Variants in TRMT1L observed in about 807,000 individuals in gnomAD.
TRMT1L encodes the protein tRNA methyltransferase 1L, also known as tRNA (guanine(27)-N(2))-dimethyltransferase.
A neutral mutation model predicts 81.6 loss-of-function variants in TRMT1L; 28 were observed. That is an observed-to-expected ratio of 0.34 (90% CI 0.25 to 0.47). TRMT1L has a LOEUF of 0.47. TRMT1L is among the 20% of genes least tolerant of loss of function. The pLI is 1.00. For synonymous variants in TRMT1L, 301 were observed against 303.2 expected (o/e 0.99, Z 0.07); for missense variants, 739 against 877.1 (o/e 0.84, Z 1.99).
In TRMT1L at chr1:185,119,620, T is replaced by C. The variant is rs1652446962; in HGVS notation, c.*399A>G. 6.3e-6 allele frequency: 1 copy of C among 158,104 alleles called. No homozygotes were observed. The highest frequency in any genetic ancestry group is 1.4e-5 in the Non-Finnish European group (1 of 71,792). 9.8% of individuals were successfully genotyped at this position (158,104 alleles called of 1,614,324 possible). A position where few individuals can be genotyped will look rare whatever the true frequency, so the allele number is the denominator to read the frequency against. ...TAACATGTGAGCCTTCAGCTTCATT[T>C]TGTACACTACAAACAGGAAAACATA... On this transcript the variant is annotated 3_prime_UTR_variant, in exon 15 of 15. Transcript: ENST00000367506.
In TRMT1L at chr1:185,156,886, G is replaced by T; in HGVS notation, c.-174C>A. The T allele has an allele frequency of 1.1e-6, 1 of 886,692 alleles. No homozygotes were observed. The highest frequency in any genetic ancestry group is 1.6e-6 in the Non-Finnish European group (1 of 614,870). The allele number at this position is 886,692 out of a possible 1,614,324, so 54.9% of individuals were successfully genotyped here. On this transcript the variant is annotated 5_prime_UTR_variant, in exon 1 of 15. Coordinates refer to ENST00000367506, the MANE Select transcript of TRMT1L (RefSeq NM_030934.5). Reference sequence around the variant, plus strand: ...AAGAACCAGTGACCAAATCCTGTTAGTAGAAAACAGAAAGCCAGAGGCAGC... The same window carrying T: ...AAGAACCAGTGACCAAATCCTGTTATTAGAAAACAGAAAGCCAGAGGCAGC...
intron 7 of TRMT1L, among the ~76,000 whole-genome samples, chr1:185,142,062 T>C (rs559681532): frequency 1.5e-4 from 23 of 152,212 alleles, no homozygotes; most frequent in African/African-American, 4.8e-4. Flanking sequence ...TGAGTAGATA[T>C]GGGAAGAGTA....
chr1:185,156,891 A>C lies in TRMT1L; in HGVS notation c.-179T>G. 1 of 860,056 alleles carries C rather than the reference A, an allele frequency of 1.2e-6. No homozygotes were observed. The highest frequency in any genetic ancestry group is 1.7e-6 in the Non-Finnish European group (1 of 592,174). The allele number at this position is 860,056 out of a possible 1,614,324, so 53.3% of individuals were successfully genotyped here. A position where few individuals can be genotyped will look rare whatever the true frequency, so the allele number is the denominator to read the frequency against. ...CCAGTGACCAAATCCTGTTAGTAGA[A>C]AACAGAAAGCCAGAGGCAGCGATTC... is the stretch of plus-strand genomic sequence containing the variant. On this transcript the variant is annotated 5_prime_UTR_variant, in exon 1 of 15. Transcript: ENST00000367506.
chr1:185,148,928 G>A (rs941886548), intron 3 of TRMT1L, among the ~76,000 whole-genome samples: 23 of 152,136 alleles, frequency 1.5e-4, no homozygotes, highest in African/African-American at 4.1e-4. Flanking sequence ...GCTTTATCAA[G>A]GCTGGTTGAC....
At chr1:185,120,329 C>A (rs1172324110) in intron 14 of TRMT1L, 54 bp downstream of exon 14, 3 of 1,464,424 alleles carry the variant, frequency 2.0e-6, no homozygotes, top group Admixed American at 2.4e-5. Flanking sequence ...ATTTAAATCA[C>A]AATATTATTA....
At chr1:185,154,619 A>C (rs887365977) in intron 1 of TRMT1L, among the ~76,000 whole-genome samples, 2 of 152,230 alleles carry the variant, frequency 1.3e-5, no homozygotes, top group Admixed American at 1.3e-4. Context: ...CAATCAATAA[A>C]GACGTGCCTA....
At chr1:185,131,765 A>C (rs916703068) in intron 10 of TRMT1L, among the ~76,000 whole-genome samples, 2 of 152,204 alleles carry the variant, frequency 1.3e-5, no homozygotes, top group African/African-American at 4.8e-5. Flanking sequence ...GGATTAATCT[A>C]GAAGACCCAA....
intron 5 of TRMT1L, 150 bp from the exon 6 acceptor site, chr1:185,144,179 C>T (rs1049487501): frequency 3.9e-5 from 35 of 902,124 alleles, no homozygotes; most frequent in South Asian, 1.3e-4. Flanking sequence ...TTAATGCAAA[C>T]GGTTTGGCAG....
chr1:185,142,603 A>C (rs1653078276), intron 7 of TRMT1L, among the ~76,000 whole-genome samples: 1 of 151,958 alleles, frequency 6.6e-6, no homozygotes, highest in Non-Finnish European at 1.5e-5. Context: ...AAAAAGAGAC[A>C]CAACCAGACA....
intron 10 of TRMT1L, among the ~76,000 whole-genome samples, chr1:185,133,984 G>A (rs1652835979): frequency 6.6e-6 from 1 of 152,068 alleles, no homozygotes; most frequent in South Asian, 2.1e-4. Flanking sequence ...ACGTGGAAGG[G>A]GGAAAGCATG....
intron 13 of TRMT1L, among the ~76,000 whole-genome samples, chr1:185,122,933 AC>A (rs1285854975): frequency 6.6e-6 from 1 of 152,010 alleles, no homozygotes; most frequent in Non-Finnish European, 1.5e-5. Flanking sequence ...GATCTACCCA[AC>A]TTGGCCTCCC....
At chr1:185,133,288 A>G (rs1240349717) in intron 10 of TRMT1L, among the ~76,000 whole-genome samples, 1 of 151,650 alleles carries the variant, frequency 6.6e-6, no homozygotes, top group African/African-American at 2.4e-5. Context: ...CTGGTCTTGA[A>G]CTCCTGACCT....
intron 3 of TRMT1L, 102 bp from the exon 4 acceptor site, chr1:185,147,348 C>T (rs1653216208): frequency 1.2e-6 from 1 of 813,744 alleles, no homozygotes; most frequent in Non-Finnish European, 2.0e-6. Context: ...ATTACCCTTA[C>T]ATTTGTAATG....
Position 185,156,833 on chromosome 1 carries a change from G to C in TRMT1L, c.-121C>G. 7.4e-7 allele frequency: 1 copy of C among 1,356,286 alleles called. No homozygotes were observed. The highest frequency in any genetic ancestry group is 9.9e-7 in the Non-Finnish European group (1 of 1,005,846). The allele number at this position is 1,356,286 out of a possible 1,614,324, so 84.0% of individuals were successfully genotyped here. On this transcript the variant is annotated 5_prime_UTR_variant, in exon 1 of 15. Transcript: ENST00000367506. The stretch of plus-strand genomic sequence containing the variant: ...AGGAGTGGGGAAGCAAGTGGGGAGG[G>C]CGGGATGCGTGCAACAGACAAAAGA...
chr1:185,153,125 T>C (rs1395385691), intron 1 of TRMT1L, among the ~76,000 whole-genome samples: 8 of 152,216 alleles, frequency 5.3e-5, no homozygotes, highest in Admixed American at 1.3e-4. Flanking sequence ...TTCTAATGCA[T>C]TTCAAATTTC....
rs1652424048 is a variant in TRMT1L, at chr1:185,118,809, T to C, written c.*1210A>G. On this transcript the variant is annotated 3_prime_UTR_variant, in exon 15 of 15. Coordinates refer to ENST00000367506, the MANE Select transcript of TRMT1L (RefSeq NM_030934.5). ...TGCCTATCCACTAGATTTTTTTGTA[T>C]ATGTCACAGAAGTACTTTTTTCTTA... 6.6e-6 allele frequency: 1 copy of C among 152,150 alleles called. No homozygotes were observed. Among genetic ancestry groups the C allele is most frequent in the African/African-American group, 2.4e-5 (1 of 41,452 alleles). The allele number at this position is 152,150 out of a possible 1,614,324, so 9.4% of individuals were successfully genotyped here.
chr1:185,151,795 G>GAAA, intron 2 of TRMT1L, 30 bp downstream of exon 2: 64 of 1,154,018 alleles, frequency 5.5e-5, no homozygotes, highest in Middle Eastern at 4.4e-4. Flanking sequence ...TAGAAACTAA[G>GAAA]AAAAAAAAAA....
At position 185,140,216 on chromosome 1, in the gene TRMT1L, A is replaced by G. The variant is rs368130438; in HGVS notation, c.866T>C (p.Met289Thr). 6.2e-7 allele frequency: 1 copy of G among 1,601,874 alleles called. No homozygotes were observed. Among genetic ancestry groups the G allele is most frequent in the Non-Finnish European group, 8.5e-7 (1 of 1,173,872 alleles). Reference protein sequence around the residue: ...CLDAFGATGIMGLQWAKHLGN... With the variant: ...CLDAFGATGITGLQWAKHLGN... ...AAGATGTTTTGCCCACTGTAATCCC[A>G]TTATCCCTTAGGAAAAATGGGAAGA... Residue 289 changes from methionine to threonine, a missense_variant, in exon 8 of 15, where the codon ATG becomes ACG. Met to Thr is a moderately conservative substitution (Grantham distance 81, BLOSUM62 -1). Transcript: ENST00000367506.
chr1:185,156,846 A>G lies in TRMT1L; in HGVS notation c.-134T>C. 1 of 1,244,414 alleles carries G rather than the reference A, an allele frequency of 8.0e-7. No homozygotes were observed. The highest frequency in any genetic ancestry group is 3.0e-5 in the Admixed American group (1 of 33,638). The allele number at this position is 1,244,414 out of a possible 1,614,324, so 77.1% of individuals were successfully genotyped here. A position where few individuals can be genotyped will look rare whatever the true frequency, so the allele number is the denominator to read the frequency against. ...CAAGTGGGGAGGGCGGGATGCGTGCAACAGACAAAAGATGAAGAACCAGTG... is the reference window on the plus strand; with the variant it reads ...CAAGTGGGGAGGGCGGGATGCGTGCGACAGACAAAAGATGAAGAACCAGTG... On this transcript the variant is annotated 5_prime_UTR_variant, in exon 1 of 15. Transcript: ENST00000367506.
Sources: allele counts gnomAD v4.1 joint callset (sites outside exome capture counted in the v4.1 genomes callset), GRCh38; gene constraint gnomAD v4.1.1; transcripts MANE v1.5; gene names NCBI Gene and HGNC (gene_info 2026-07-23, HGNC 2026-07-21).